The following GREB1 variants were observed in gnomAD, a reference collection of about 807,000 sequenced individuals.
GREB1 encodes the protein protein GREB1.
In GREB1, 106 loss-of-function variants were observed where a neutral mutation model predicts 200.7. The ratio of observed to expected loss-of-function variants is 0.53; its 90% CI spans 0.45 to 0.62. The LOEUF is 0.62. Among genes scored for constraint, GREB1 ranks in the 20% least tolerant of loss-of-function variants. The pLI, the probability that GREB1 is intolerant of heterozygous loss-of-function variation, is 0.00. For synonymous variants in GREB1, 1,132 were observed against 1,092.4 expected (o/e 1.04, Z -0.72); for missense variants, 2,243 against 2,556.8 (o/e 0.88, Z 2.65).
chr2:11,631,033 A>AC (rs1242766685), intron 26 of GREB1, among the ~76,000 whole-genome samples: 1 of 152,126 alleles, frequency 6.6e-6, no homozygotes, highest in Non-Finnish European at 1.5e-5. Context: ...GGTACCTCCT[A>AC]CCCCACGGGC....
intron 3 of GREB1, among the ~76,000 whole-genome samples, chr2:11,563,398 G>A (rs1346433325): frequency 1.3e-5 from 2 of 152,252 alleles, no homozygotes; most frequent in Non-Finnish European, 2.9e-5. Context: ...GGAGATGCTG[G>A]ATGGGTGGCA....
At chr2:11,555,982 C>T (rs550962401) in intron 1 of GREB1, among the ~76,000 whole-genome samples, 4 of 152,238 alleles carry the variant, frequency 2.6e-5, no homozygotes, top group Non-Finnish European at 4.4e-5. Context: ...TGATTTTCCT[C>T]GTTTTCCCAC....
chr2:11,626,868 G>A, intron 24 of GREB1, 94 bp from the exon 25 acceptor site: 2 of 1,296,590 alleles, frequency 1.5e-6, no homozygotes. Context: ...CTGTTGTCTG[G>A]TCATTTGAGC....
intron 17 of GREB1, among the ~76,000 whole-genome samples, chr2:11,610,482 C>T (rs952273353): frequency 6.6e-6 from 1 of 152,174 alleles, no homozygotes; most frequent in Admixed American, 6.5e-5. Context: ...TTTTTGTTTT[C>T]CAGCTGGAAA....
intron 6 of GREB1, among the ~76,000 whole-genome samples, chr2:11,578,707 C>A (rs1324357830): frequency 1.3e-5 from 2 of 152,158 alleles, no homozygotes; most frequent in Non-Finnish European, 2.9e-5. Context: ...CCCACCCCAA[C>A]CCCCGCACAG....
Position 11,600,849 on chromosome 2 carries a change from G to T in GREB1, c.2383G>T (p.Val795Leu). The change falls in exon 16 of 33, where the codon GTG (valine) becomes TTG (leucine). Residue 795 changes from valine to leucine, a missense_variant. Physicochemically the swap from Val to Leu is conservative, Grantham distance 32 (BLOSUM62 1). This residue lies in a region of GREB1 where 1,178 missense variants were observed against 1,387.4 expected (regional missense o/e 0.85). Transcript: ENST00000381486. ...TCAAAGTGACCCGTCGGTGGGATTGGTGGACCGATTGCTCAACTGCAGGGA... is the reference window on the plus strand; with the variant it reads ...TCAAAGTGACCCGTCGGTGGGATTGTTGGACCGATTGCTCAACTGCAGGGA... ...YSQSDPSVGL[V>L]DRLLNCREVK... 1 of 1,614,150 alleles carries T rather than the reference G, an allele frequency of 6.2e-7. No homozygotes were observed. Among genetic ancestry groups the T allele is most frequent in the Non-Finnish European group, 8.5e-7 (1 of 1,180,008 alleles).
In GREB1 at chr2:11,602,524, T is replaced by C; in HGVS notation, c.2648T>C (p.Val883Ala). ...TACGATAGCTCCTTTGAGGCCATGG[T>C]CACTGCATTAGGAAAAAGGTACTTG... ...LRYDSSFEAM[V>A]TALGKRFPRL... Residue 883 changes from valine (V) to alanine (A), a missense_variant, in exon 17 of 33, where the codon GTC becomes GCC. Physicochemically the swap from Val to Ala is moderately conservative, Grantham distance 64. Around this residue, in one of 3 missense-constraint regions of GREB1, gnomAD observed 1,178 missense variants for 1,387.4 expected, o/e 0.85. Coordinates refer to ENST00000381486, the MANE Select transcript of GREB1 (RefSeq NM_014668.4). The C allele has an allele frequency of 6.2e-7, 1 of 1,614,002 alleles. No individual in the cohort carries two copies. The highest frequency in any genetic ancestry group is 8.5e-7 in the Non-Finnish European group (1 of 1,179,850).
intron 12 of GREB1, among the ~76,000 whole-genome samples, chr2:11,595,673 C>T (rs1012773768): frequency 2.6e-5 from 4 of 152,136 alleles, no homozygotes; most frequent in East Asian, 1.9e-4. Context: ...TGTTCCTCTC[C>T]ACCTTTCCAG....
chr2:11,618,194 A>ACGAGTCGCCCC, intron 21 of GREB1, 94 bp from the exon 22 acceptor site: 1 of 1,136,816 alleles, frequency 8.8e-7, no homozygotes, highest in East Asian at 4.0e-5. Context: ...CACTCCTGGG[A>ACGAGTCGCCCC]TGGGTGACTC....
intron 15 of GREB1, among the ~76,000 whole-genome samples, chr2:11,599,456 C>T (rs1681573946): frequency 6.6e-6 from 1 of 151,302 alleles, no homozygotes; most frequent in African/African-American, 2.4e-5. Flanking sequence ...TCTCCCACTT[C>T]ACCCTCCTGA....
At chr2:11,559,626 A>G (rs1676784621) in intron 2 of GREB1, among the ~76,000 whole-genome samples, 1 of 152,130 alleles carries the variant, frequency 6.6e-6, no homozygotes, top group South Asian at 2.1e-4. Flanking sequence ...CATCTGTGCC[A>G]TCCCCTCTGA....
At chr2:11,617,967 G>A (rs1160087760) in intron 21 of GREB1, among the ~76,000 whole-genome samples, 1 of 152,182 alleles carries the variant, frequency 6.6e-6, no homozygotes, top group South Asian at 2.1e-4. Context: ...TCAGCCCAGA[G>A]CTCGGGGACT....
intron 1 of GREB1, among the ~76,000 whole-genome samples, chr2:11,539,242 G>A (rs188798846): frequency 3.5e-4 from 53 of 151,954 alleles, no homozygotes; most frequent in Non-Finnish European, 3.4e-4. Context: ...GTAGAGATGT[G>A]GTCTCATTAT....
At chr2:11,569,403 C>T (rs1678031433) in intron 4 of GREB1, among the ~76,000 whole-genome samples, 1 of 152,056 alleles carries the variant, frequency 6.6e-6, no homozygotes, top group African/African-American at 2.4e-5. Context: ...GTAAATCTTA[C>T]AATACATCCA....
intron 11 of GREB1, among the ~76,000 whole-genome samples, chr2:11,593,841 C>CA (rs1680968759): frequency 6.6e-6 from 1 of 152,152 alleles, no homozygotes; most frequent in Non-Finnish European, 1.5e-5. Context: ...TGGGGGCCCA[C>CA]AGGGAGCAGA....
chr2:11,592,298 T>C (rs1164272929), intron 10 of GREB1, among the ~76,000 whole-genome samples: 1 of 151,614 alleles, frequency 6.6e-6, no homozygotes, highest in Non-Finnish European at 1.5e-5. Context: ...TTCCAACTTA[T>C]AATTGGTGAG....
chr2:11,551,657 C>T (rs193090481), intron 1 of GREB1, among the ~76,000 whole-genome samples: 172 of 152,348 alleles, frequency 1.1e-3, no homozygotes, highest in African/African-American at 3.6e-3. Context: ...ACTCTCCTGT[C>T]CCTTCCTCAA....
In GREB1 at chr2:11,493,176, G is replaced by A. The variant is rs762988690; in HGVS notation, c.-159+10795G>A. On this transcript the variant is annotated intron_variant, in intron 1 of 2. Coordinates refer to the GREB1 transcript ENST00000628795. This position sits in a 1 kb window ranked among gnomAD's most constrained non-coding sequence, Gnocchi z 4.6. ...TTGTCCATAGGCTTGTGGAAACTGC[G>A]ACATGAAGGGAAATGAGGTATGTAC... 1.4e-4 allele frequency among the ~76,000 whole-genome samples: 22 copies of A among 152,168 alleles called. No individual in the cohort carries two copies. Among genetic ancestry groups the A allele is most frequent in the Admixed American group, 2.6e-4 (4 of 15,284 alleles).
At chr2:11,491,672 T>C (rs1394537425) in intron 1 of GREB1, among the ~76,000 whole-genome samples, 1 of 152,226 alleles carries the variant, frequency 6.6e-6, no homozygotes, top group African/African-American at 2.4e-5. Flanking sequence ...GAATATTTTG[T>C]TCATGAAAAG....
Sources: gnomAD v4.1 joint callset for allele counts (sites outside exome capture counted in the v4.1 genomes callset) on GRCh38, gnomAD v4.1.1 for gene constraint, gnomAD v4.1.1 regional missense constraint, Gnocchi (gnomAD v3.1) non-coding constraint, MANE v1.5 for transcripts, NCBI Gene and HGNC (gene_info 2026-07-23, HGNC 2026-07-21) for gene names.